Variants in ZNF423 observed in about 807,000 individuals in gnomAD.
ZNF423 encodes the protein zinc finger protein 423.
In ZNF423, 12 loss-of-function variants were observed where a neutral mutation model predicts 95.8. That is an observed-to-expected ratio of 0.13 (90% CI 0.08 to 0.20). The LOEUF is 0.20. Among genes scored for constraint, ZNF423 ranks in the 10% least tolerant of loss-of-function variants. The pLI is 1.00. For missense variants in ZNF423, 1,316 were observed against 1,737.1 expected (o/e 0.76, Z 4.31); for synonymous variants, 749 against 711.9 (o/e 1.05, Z -0.83).
rs1489942510 is a variant in ZNF423, at chr16:49,491,147, T to C, written c.*128A>G. ...AGCTGCTTATAATAGCAGCGCCTCA[T>C]GGCCAAATCATTAGAGTTTTACATC... On this transcript the variant is annotated 3_prime_UTR_variant, in exon 8 of 8. Coordinates refer to ENST00000563137, the MANE Select transcript of ZNF423 (RefSeq NM_001379286.1). The C allele has an allele frequency of 2.7e-6, 3 of 1,111,462 alleles. No homozygotes were observed. Among genetic ancestry groups the C allele is most frequent in the East Asian group, 4.7e-5 (2 of 42,150 alleles). The allele number at this position is 1,111,462 out of a possible 1,614,324, so 68.8% of individuals were successfully genotyped here. A position where few individuals can be genotyped will look rare whatever the true frequency, so the allele number is the denominator to read the frequency against.
At chr16:49,687,190 GCCA>G (rs1252296409) in intron 3 of ZNF423, among the ~76,000 whole-genome samples, 1 of 151,560 alleles carries the variant, frequency 6.6e-6, no homozygotes, top group Non-Finnish European at 1.5e-5. Flanking sequence ...CTCCCAGGGC[GCCA>G]CCAAGAGACC....
intron 1 of ZNF423, among the ~76,000 whole-genome samples, chr16:49,842,008 G>A (rs1287327407): frequency 1.3e-5 from 2 of 151,860 alleles, no homozygotes; most frequent in African/African-American, 2.4e-5. Context: ...AGGCCCATGC[G>A]GGCGGATCAC....
chr16:49,655,273 G>GCC (rs1252863431), intron 3 of ZNF423, among the ~76,000 whole-genome samples: 1 of 152,120 alleles, frequency 6.6e-6, no homozygotes, highest in African/African-American at 2.4e-5. Flanking sequence ...CATTCCACAG[G>GCC]CCCTGGCAAC....
At chr16:49,703,743 G>GGT (rs1344701731) in intron 3 of ZNF423, among the ~76,000 whole-genome samples, 1 of 152,236 alleles carries the variant, frequency 6.6e-6, no homozygotes, top group African/African-American at 2.4e-5. Context: ...AGCTGTCCTG[G>GGT]GTGAGAAGCT....
At chr16:49,841,693 T>C (rs193191793) in intron 1 of ZNF423, among the ~76,000 whole-genome samples, 175 of 152,370 alleles carry the variant, frequency 1.1e-3, no homozygotes, top group African/African-American at 4.1e-3. Context: ...CTAGGCTGCC[T>C]TGTCTGGTCC....
At chr16:49,776,778 T>C (rs926490022) in intron 2 of ZNF423, among the ~76,000 whole-genome samples, 6 of 152,060 alleles carry the variant, frequency 3.9e-5, no homozygotes, top group Non-Finnish European at 8.8e-5. Flanking sequence ...GGTGCAAATC[T>C]TTGGATGGAA....
At chr16:49,772,310 A>G (rs766717381) in intron 2 of ZNF423, among the ~76,000 whole-genome samples, 4 of 152,270 alleles carry the variant, frequency 2.6e-5, no homozygotes, top group Non-Finnish European at 5.9e-5. Flanking sequence ...GGACTGGATG[A>G]TGCCAGCCTG....
At chr16:49,567,915 AC>A (rs1278267613) in intron 5 of ZNF423, among the ~76,000 whole-genome samples, 2 of 152,050 alleles carry the variant, frequency 1.3e-5, no homozygotes, top group Non-Finnish European at 2.9e-5. Context: ...CCGGAAGTGG[AC>A]CTTGTTTTTA....
At chr16:49,571,474 G>A (rs983657085) in intron 5 of ZNF423, among the ~76,000 whole-genome samples, 1 of 152,090 alleles carries the variant, frequency 6.6e-6, no homozygotes, top group Non-Finnish European at 1.5e-5. Context: ...TCCCAGAAGA[G>A]GAACAGCATG....
At chr16:49,620,214 C>T (rs1249474809) in intron 5 of ZNF423, among the ~76,000 whole-genome samples, 1 of 134,250 alleles carries the variant, frequency 7.4e-6, no homozygotes, top group Non-Finnish European at 1.6e-5. Flanking sequence ...CACACAGACA[C>T]ACACATACAC....
intron 7 of ZNF423, among the ~76,000 whole-genome samples, chr16:49,512,687 C>T (rs1967948473): frequency 6.6e-6 from 1 of 152,194 alleles, no homozygotes; most frequent in African/African-American, 2.4e-5. Context: ...ATCCTAAGTG[C>T]TATAAAGTGC....
chr16:49,683,828 A>G (rs2151939908), intron 3 of ZNF423, among the ~76,000 whole-genome samples: 1 of 152,342 alleles, frequency 6.6e-6, no homozygotes, highest in Non-Finnish European at 1.5e-5. Context: ...CTGTAATCCC[A>G]GCACTTTGGG....
At chr16:49,495,051 G>A (rs1967106723) in intron 7 of ZNF423, among the ~76,000 whole-genome samples, 1 of 152,234 alleles carries the variant, frequency 6.6e-6, no homozygotes, top group African/African-American at 2.4e-5. Flanking sequence ...AAGGCTGGGG[G>A]TGGAGACAGG....
At chr16:49,524,933 A>T (rs949890638) in intron 6 of ZNF423, among the ~76,000 whole-genome samples, 3 of 152,162 alleles carry the variant, frequency 2.0e-5, no homozygotes, top group African/African-American at 7.2e-5. Flanking sequence ...TGGAGCATGG[A>T]TGGGAGCTAG....
intron 2 of ZNF423, among the ~76,000 whole-genome samples, chr16:49,760,236 GGGGT>G (rs1371534777): frequency 7.5e-6 from 1 of 133,924 alleles, no homozygotes; most frequent in Non-Finnish European, 1.6e-5. Flanking sequence ...ATGGGTGGGT[GGGGT>G]GGGTAGATGG....
Position 49,793,386 on chromosome 16 carries a change from C to T in ZNF423, c.41-3840G>A, listed in dbSNP as rs530837254. Among the ~76,000 whole-genome samples the T allele has an allele frequency of 3.9e-5, 6 of 152,326 alleles. No individual in the cohort carries two copies. In the South Asian group the frequency reaches 1.2e-3, roughly 32 times the overall value. ...AGCCCCACTGCACACTGAAGACTCG[C>T]AGCTCAGAGAAACCCCAATCCGCAC... is the stretch of plus-strand genomic sequence containing the variant. On this transcript the variant is annotated intron_variant, in intron 1 of 7. Coordinates refer to ENST00000563137, the MANE Select transcript of ZNF423 (RefSeq NM_001379286.1).
In ZNF423 at chr16:49,635,523, G is replaced by A; in HGVS notation, c.3516+137C>T. ...GAGGTTCAAACTCAAGGAGTCTACAGCACAGCAGTTCTGTTTTGCCACTGC... is the reference window on the plus strand; with the variant it reads ...GAGGTTCAAACTCAAGGAGTCTACAACACAGCAGTTCTGTTTTGCCACTGC... On this transcript the variant is annotated intron_variant, in intron 4 of 7. Coordinates refer to ENST00000563137, the MANE Select transcript of ZNF423 (RefSeq NM_001379286.1). This position sits in a 1 kb window ranked among gnomAD's most constrained non-coding sequence, Gnocchi z 4.8. 1 of 1,140,500 alleles carries A rather than the reference G, an allele frequency of 8.8e-7. No homozygotes were observed. Among genetic ancestry groups the A allele is most frequent in the South Asian group, 1.9e-5 (1 of 51,414 alleles). The allele number at this position is 1,140,500 out of a possible 1,614,324, so 70.6% of individuals were successfully genotyped here.
At chr16:49,839,328 T>TAGATGCCTTGGAGAGGGGCC (rs2035158032) in intron 1 of ZNF423, among the ~76,000 whole-genome samples, 1 of 151,996 alleles carries the variant, frequency 6.6e-6, no homozygotes, top group Non-Finnish European at 1.5e-5. Context: ...GGAGAAGGGC[T>TAGATGCCTTGGAGAGGGGCC]AGATGCCTTG....
chr16:49,794,040 TC>T (rs2034459131), intron 1 of ZNF423, among the ~76,000 whole-genome samples: 1 of 151,902 alleles, frequency 6.6e-6, no homozygotes, highest in Non-Finnish European at 1.5e-5. Context: ...TCTCTCTCTC[TC>T]TCTCTCGCTC....
Sources: allele counts gnomAD v4.1 joint callset (sites outside exome capture counted in the v4.1 genomes callset), GRCh38; gene constraint gnomAD v4.1.1; non-coding constraint Gnocchi (gnomAD v3.1); transcripts MANE v1.5; gene names NCBI Gene and HGNC (gene_info 2026-07-23, HGNC 2026-07-21).